Variants in TOX observed in about 807,000 individuals in gnomAD.
The protein encoded by TOX is thymocyte selection-associated high mobility group box protein TOX.
Under a neutral mutation model 53.7 loss-of-function variants are expected in TOX, and 11 were observed. The ratio of observed to expected loss-of-function variants is 0.20; its 90% CI spans 0.13 to 0.34. The LOEUF (loss-of-function observed/expected upper bound fraction) is 0.34. Ranked by LOEUF, TOX falls within the 10% of genes least tolerant of loss-of-function variation. TOX has a pLI of 1.00. For synonymous variants in TOX, 225 were observed against 245.3 expected (o/e 0.92, Z 0.77); for missense variants, 570 against 664.6 (o/e 0.86, Z 1.56).
intron 1 of TOX, among the ~76,000 whole-genome samples, chr8:58,967,235 T>C (rs1210004725): frequency 6.6e-6 from 1 of 152,232 alleles, no homozygotes; most frequent in Non-Finnish European, 1.5e-5. Flanking sequence ...AAGATAATGA[T>C]GCCACAGTGG....
At chr8:59,107,044 G>T (rs977215983) in intron 1 of TOX, among the ~76,000 whole-genome samples, 7 of 101,970 alleles carry the variant, frequency 6.9e-5, no homozygotes, top group African/African-American at 2.7e-4. Context: ...AAAGCAGTTT[G>T]CTGGGGGGGG....
chr8:59,104,964 T>C (rs1804873429), intron 1 of TOX, among the ~76,000 whole-genome samples: 1 of 152,160 alleles, frequency 6.6e-6, no homozygotes, highest in Non-Finnish European at 1.5e-5. Flanking sequence ...GGAGGGAGGG[T>C]TCACGACTTA....
At position 58,851,421 on chromosome 8, in the gene TOX, T is replaced by G; in HGVS notation, c.693+103A>C. The G allele has an allele frequency of 1.5e-6, 2 of 1,339,512 alleles. No homozygotes were observed. The highest frequency in any genetic ancestry group is 2.1e-6 in the Non-Finnish European group (2 of 969,070). The allele number at this position is 1,339,512 out of a possible 1,614,324, so 83.0% of individuals were successfully genotyped here. ...TTCATTAACAAAGCAGGTGTCTCCC[T>G]CCAATGTTTCTCGCATGGATGATAT... On this transcript the variant is annotated intron_variant, in intron 4 of 8. Coordinates refer to ENST00000361421, the MANE Select transcript of TOX (RefSeq NM_014729.3). This position sits in a 1 kb window ranked among gnomAD's most constrained non-coding sequence, Gnocchi z 4.4.
intron 1 of TOX, among the ~76,000 whole-genome samples, chr8:59,045,633 C>A (rs904551854): frequency 6.6e-6 from 1 of 152,134 alleles, no homozygotes; most frequent in African/African-American, 2.4e-5. Context: ...TAAAATGAGT[C>A]CCAACCCATT....
At chr8:58,968,586 C>G (rs79624610) in intron 1 of TOX, among the ~76,000 whole-genome samples, 2,609 of 152,308 alleles carry the variant, frequency 0.017, 30 homozygotes, top group Non-Finnish European at 0.028. Flanking sequence ...TCATTTACCA[C>G]AGTACCTAAA....
intron 1 of TOX, among the ~76,000 whole-genome samples, chr8:58,961,532 CTT>C (rs1306667873): frequency 1.6e-4 from 23 of 143,000 alleles, no homozygotes; most frequent in Non-Finnish European, 1.7e-4. Context: ...CAGGTGAACT[CTT>C]TTTTTTTTTT....
intron 1 of TOX, among the ~76,000 whole-genome samples, chr8:59,088,356 T>A (rs1014164740): frequency 1.3e-5 from 2 of 152,244 alleles, no homozygotes; most frequent in South Asian, 4.1e-4. Context: ...GGGAAATTCA[T>A]CATAGGAATT....
chr8:59,112,438 A>C (rs1185163801), intron 1 of TOX, among the ~76,000 whole-genome samples: 1 of 152,222 alleles, frequency 6.6e-6, no homozygotes, highest in East Asian at 1.9e-4. Context: ...TAAAACAAAA[A>C]ATTCTCAAAT....
chr8:58,890,008 T>C (rs1490525701), intron 3 of TOX, among the ~76,000 whole-genome samples: 2 of 152,078 alleles, frequency 1.3e-5, no homozygotes, highest in African/African-American at 4.8e-5. Context: ...GGTGTAAAAA[T>C]AGAAAAATAT....
chr8:58,940,908 C>T (rs970560142), intron 2 of TOX, among the ~76,000 whole-genome samples: 1 of 152,112 alleles, frequency 6.6e-6, no homozygotes, highest in Admixed American at 6.6e-5. Flanking sequence ...GAAGACAAGA[C>T]TAAATGAAGA....
At chr8:59,064,051 T>C (rs945774428) in intron 1 of TOX, among the ~76,000 whole-genome samples, 1 of 152,116 alleles carries the variant, frequency 6.6e-6, no homozygotes, top group Non-Finnish European at 1.5e-5. Flanking sequence ...CTTTGACTCA[T>C]TCCACTGGGA....
At chr8:59,040,799 C>T (rs975167306) in intron 1 of TOX, among the ~76,000 whole-genome samples, 1 of 152,210 alleles carries the variant, frequency 6.6e-6, no homozygotes, top group Admixed American at 6.5e-5. Flanking sequence ...GGAGCTGGTG[C>T]TGCCTCTGGG....
chr8:59,009,583 G>C (rs886128393), intron 1 of TOX, among the ~76,000 whole-genome samples: 4 of 152,038 alleles, frequency 2.6e-5, no homozygotes, highest in Non-Finnish European at 4.4e-5. Context: ...ATGTTGGCCA[G>C]GCTGGTCTCG....
At position 58,959,894 on chromosome 8, in the gene TOX, T is replaced by C. The variant is rs192902952; in HGVS notation, c.168+49A>G. The C allele has an allele frequency of 1.3e-5, 20 of 1,588,756 alleles. No homozygotes were observed. In the Admixed American group the frequency reaches 3.2e-4, roughly 25 times the overall value. ...CTCATTTGCAATGCAACTCTTTGAA[T>C]TTGTTTAATTACAATTTGAAACAAG... On this transcript the variant is annotated intron_variant, in intron 2 of 8. Transcript: ENST00000361421.
rs377060748 is a variant in TOX, at chr8:58,875,396, C to G, written c.412-23591G>C. Among the ~76,000 whole-genome samples, 26 of 152,146 alleles carry G rather than the reference C, an allele frequency of 1.7e-4. 1 individual carries two copies. Among genetic ancestry groups the G allele is most frequent in the African/African-American group, 6.3e-4 (26 of 41,512 alleles). ...TATTGTCTATTAAGGGAGAAATGTA[C>G]TAGTATATAGTAATTTAATAGTTAA... On this transcript the variant is annotated intron_variant, in intron 3 of 8. Transcript: ENST00000361421.
chr8:58,851,185 TCACACACACACACACACA>T lies in TOX; in HGVS notation c.693+321_693+338del, dbSNP rs68047111. Among the ~76,000 whole-genome samples the T allele has an allele frequency of 7.1e-6, 1 of 140,840 alleles. No individual in the cohort carries two copies. Among genetic ancestry groups the T allele is most frequent in the Admixed American group, 7.1e-5 (1 of 14,170 alleles). 92.4% of individuals were successfully genotyped at this position (140,840 alleles called of 152,430 possible). ...CTCTCTCTCTCTCTCTCTCTCTCTC[TCACACACACACACACACA>T]CACACACACGACCTTCATTGTACCC... On this transcript the variant is annotated intron_variant, in intron 4 of 8. Coordinates refer to ENST00000361421, the MANE Select transcript of TOX (RefSeq NM_014729.3). This position sits in a 1 kb window ranked among gnomAD's most constrained non-coding sequence, Gnocchi z 4.4.
At chr8:59,039,048 G>A (rs115520739) in intron 1 of TOX, among the ~76,000 whole-genome samples, 1,581 of 152,294 alleles carry the variant, frequency 0.01, 23 homozygotes, top group African/African-American at 0.036. Context: ...CCAAATGACA[G>A]TTGGGCTAAA....
chr8:58,817,136 T>C (rs1400306586), intron 6 of TOX, among the ~76,000 whole-genome samples: 2 of 152,134 alleles, frequency 1.3e-5, no homozygotes, highest in African/African-American at 4.8e-5. Flanking sequence ...TGTGAGACTC[T>C]GAATACTCCA....
intron 1 of TOX, among the ~76,000 whole-genome samples, chr8:59,056,278 A>T (rs985128836): frequency 6.6e-6 from 1 of 151,830 alleles, no homozygotes; most frequent in Non-Finnish European, 1.5e-5. Context: ...ATAAAAATTT[A>T]AAAACTAGAC....
Sources: gnomAD v4.1 joint callset for allele counts (sites outside exome capture counted in the v4.1 genomes callset) on GRCh38, gnomAD v4.1.1 for gene constraint, Gnocchi (gnomAD v3.1) non-coding constraint, MANE v1.5 for transcripts, NCBI Gene and HGNC (gene_info 2026-07-23, HGNC 2026-07-21) for gene names.